Variants in COL15A1 observed in about 807,000 individuals in gnomAD.
COL15A1 encodes collagen alpha-1(XV) chain.
A neutral mutation model predicts 165.9 loss-of-function variants in COL15A1; 111 were observed. The ratio of observed to expected loss-of-function variants is 0.67; its 90% CI spans 0.57 to 0.78. The LOEUF (loss-of-function observed/expected upper bound fraction) is 0.78. Among genes scored for constraint, COL15A1 ranks in the 30% least tolerant of loss-of-function variants. COL15A1 has a pLI of 0.00. For synonymous variants in COL15A1, 659 were observed against 674.8 expected, an observed-to-expected ratio of 0.98 and a Z score of 0.36; for missense variants, 1,745 against 1,789.7, an observed-to-expected ratio of 0.98 and a Z score of 0.45.
Position 98,984,673 on chromosome 9 carries a change from C to T in COL15A1, c.101-892C>T, listed in dbSNP as rs897535566. The stretch of plus-strand genomic sequence containing the variant: ...GTGATGTCAAAGGCGATGACAATGA[C>T]GCAAATTTCAATTGCCTTGAGGCCT... On this transcript the variant is annotated intron_variant, in intron 2 of 41. Coordinates refer to ENST00000375001, the MANE Select transcript of COL15A1 (RefSeq NM_001855.5). Among the ~76,000 whole-genome samples, 6 of 152,304 alleles carry T rather than the reference C, an allele frequency of 3.9e-5. No homozygotes were observed. The East Asian group carries it at 5.8e-4, about 15-fold the overall frequency.
At chr9:98,992,050 G>A (rs1838445108) in intron 5 of COL15A1, among the ~76,000 whole-genome samples, 1 of 152,278 alleles carries the variant, frequency 6.6e-6, no homozygotes, top group Non-Finnish European at 1.5e-5. Context: ...AGTCCAGCTG[G>A]CTTCGCCTAG....
chr9:98,994,340 G>A (rs1042374724), intron 5 of COL15A1, among the ~76,000 whole-genome samples: 3 of 152,148 alleles, frequency 2.0e-5, no homozygotes, highest in African/African-American at 7.2e-5. Flanking sequence ...GACAGACCGA[G>A]CACTTTCTCC....
intron 5 of COL15A1, 109 bp downstream of exon 5, chr9:98,989,367 T>C (rs1170412944): frequency 4.6e-6 from 4 of 868,714 alleles, no homozygotes; most frequent in South Asian, 1.7e-5. Context: ...TCCAGACCTG[T>C]GAGCTTAATC....
Position 98,944,158 on chromosome 9 carries a change from G to A in COL15A1, c.12-4G>A, listed in dbSNP as rs757102272. 1.2e-6 allele frequency: 2 copies of A among 1,614,118 alleles called. No individual in the cohort carries two copies. The highest frequency in any genetic ancestry group is 8.5e-7 in the Non-Finnish European group (1 of 1,179,990). On this transcript the variant is annotated splice_polypyrimidine_tract_variant and splice_region_variant and intron_variant, in intron 1 of 41. Transcript: ENST00000375001. ...ACCTTTTCTCCCTCGGGCACATCTT[G>A]CAGGAGGAACAACGGGCAGTGCTGG... is the stretch of plus-strand genomic sequence containing the variant.
chr9:98,973,978 G>C (rs1449555252), intron 2 of COL15A1, among the ~76,000 whole-genome samples: 1 of 152,242 alleles, frequency 6.6e-6, no homozygotes, highest in Non-Finnish European at 1.5e-5. Flanking sequence ...ACTGCTCAAA[G>C]TCATATGCCA....
intron 16 of COL15A1, among the ~76,000 whole-genome samples, chr9:99,031,304 A>G (rs1229794390): frequency 1.3e-5 from 2 of 152,118 alleles, no homozygotes; most frequent in East Asian, 1.9e-4. Context: ...GTGTGTCCCA[A>G]TAGGAAAACA....
At chr9:99,015,337 T>G in intron 9 of COL15A1, 80 bp from the exon 10 acceptor site, 1 of 947,036 alleles carries the variant, frequency 1.1e-6, no homozygotes, top group Non-Finnish European at 1.7e-6. Context: ...GCTTTAGCGC[T>G]TTCCACCCCC....
At chr9:98,992,010 A>C (rs887230280) in intron 5 of COL15A1, among the ~76,000 whole-genome samples, 2 of 152,262 alleles carry the variant, frequency 1.3e-5, no homozygotes, top group Non-Finnish European at 2.9e-5. Context: ...GCTAGACATA[A>C]AAGTTCTCCA....
Position 99,042,114 on chromosome 9 carries a change from G to A in COL15A1, c.2574+7G>A, listed in dbSNP as rs1839415814. The A allele has an allele frequency of 1.9e-6, 3 of 1,606,438 alleles. No individual in the cohort carries two copies. In the South Asian group the frequency reaches 3.4e-5, roughly 18 times the overall value. ...AGGACTAAAAGGAGAACAGGTAAGA[G>A]GGGCCCAGGTATCTGAGTGAGATTG... On this transcript the variant is annotated splice_region_variant and intron_variant, in intron 24 of 41. Coordinates refer to ENST00000375001, the MANE Select transcript of COL15A1 (RefSeq NM_001855.5).
chr9:98,994,009 C>A (rs1186072638), intron 5 of COL15A1, among the ~76,000 whole-genome samples: 6 of 152,028 alleles, frequency 3.9e-5, no homozygotes, highest in Non-Finnish European at 8.8e-5. Flanking sequence ...TCCTTGCTAT[C>A]CAATTCTTTG....
intron 8 of COL15A1, among the ~76,000 whole-genome samples, chr9:99,003,819 A>G (rs2118953267): frequency 6.6e-6 from 1 of 152,292 alleles, no homozygotes; most frequent in Admixed American, 6.5e-5. Context: ...AGTAAATAGG[A>G]TAGACGTGAT....
At chr9:98,951,598 T>C (rs377580482) in intron 2 of COL15A1, among the ~76,000 whole-genome samples, 1 of 152,254 alleles carries the variant, frequency 6.6e-6, no homozygotes, top group Admixed American at 6.5e-5. Flanking sequence ...CAGGGTCTTC[T>C]CTGTTGCCCA....
rs574452995 is a variant in COL15A1 at position 99,056,189 on chromosome 9, T to C, written c.3193-71T>C. On this transcript the variant is annotated intron_variant, in intron 34 of 41. Transcript: ENST00000375001. ...TATTGATTTCTTTTAAATATTCTCA[T>C]AAAAGGACTAGATGGGACTTCGAGT... 1.4e-5 allele frequency: 20 copies of C among 1,417,688 alleles called. No individual in the cohort carries two copies. In the African/African-American group the frequency reaches 2.2e-4, roughly 16 times the overall value. The allele number at this position is 1,417,688 out of a possible 1,614,324, so 87.8% of individuals were successfully genotyped here.
At chr9:98,986,198 T>A (rs908965098) in intron 3 of COL15A1, 86 bp downstream of exon 3, 8 of 1,062,322 alleles carry the variant, frequency 7.5e-6, no homozygotes, top group Non-Finnish European at 1.1e-5. Flanking sequence ...TTATTGTTAT[T>A]ATTTTATTCT....
At chr9:98,995,046 T>G (rs971052466) in intron 5 of COL15A1, among the ~76,000 whole-genome samples, 1 of 152,136 alleles carries the variant, frequency 6.6e-6, no homozygotes, top group East Asian at 1.9e-4. Flanking sequence ...AAATGCCTTA[T>G]AGAGCACCTT....
chr9:98,976,819 A>G (rs965282776), intron 2 of COL15A1, among the ~76,000 whole-genome samples: 4 of 152,150 alleles, frequency 2.6e-5, no homozygotes, highest in African/African-American at 9.7e-5. Flanking sequence ...ATAATGCCAT[A>G]TATGCTACAT....
At chr9:99,018,768 C>G (rs1564059527) in intron 11 of COL15A1, among the ~76,000 whole-genome samples, 1 of 152,132 alleles carries the variant, frequency 6.6e-6, no homozygotes, top group Non-Finnish European at 1.5e-5. Context: ...GGTTGTAAAC[C>G]TAGTATATTG....
chr9:98,967,226 G>A (rs1837972146), intron 2 of COL15A1, among the ~76,000 whole-genome samples: 1 of 152,168 alleles, frequency 6.6e-6, no homozygotes, highest in South Asian at 2.1e-4. Flanking sequence ...CCCTGGGGTG[G>A]AATGGGGGTT....
At chr9:99,021,652 G>A (rs1258752260) in intron 12 of COL15A1, among the ~76,000 whole-genome samples, 1 of 152,212 alleles carries the variant, frequency 6.6e-6, no homozygotes, top group Non-Finnish European at 1.5e-5. Flanking sequence ...CCCTTGAGGG[G>A]CACATGGTCC....
Sources: gnomAD v4.1 joint callset for allele counts (sites outside exome capture counted in the v4.1 genomes callset) on GRCh38, gnomAD v4.1.1 for gene constraint, MANE v1.5 for transcripts, NCBI Gene and HGNC (gene_info 2026-07-23, HGNC 2026-07-21) for gene names.